The following TECPR1 variants were observed in gnomAD, a reference collection of about 807,000 sequenced individuals.
TECPR1 encodes tectonin beta-propeller repeat-containing protein 1.
In TECPR1, 122 loss-of-function variants were observed where a neutral mutation model predicts 162.4. That is an observed-to-expected ratio of 0.75 (90% CI 0.65 to 0.87). The LOEUF is 0.87. Among genes scored for constraint, TECPR1 ranks in the 40% least tolerant of loss-of-function variants. The pLI is 0.00. For synonymous variants in TECPR1, 642 were observed against 670.6 expected, an observed-to-expected ratio of 0.96 and a Z score of 0.66; for missense variants, 1,432 against 1,618.2, an observed-to-expected ratio of 0.88 and a Z score of 1.97.
At chr7:98,242,308 G>A (rs1035130381) in intron 6 of TECPR1, among the ~76,000 whole-genome samples, 2 of 152,048 alleles carry the variant, frequency 1.3e-5, no homozygotes, top group African/African-American at 2.4e-5. Context: ...CAGGACCCTC[G>A]GGGCCTCTGC....
intron 10 of TECPR1, among the ~76,000 whole-genome samples, chr7:98,235,300 A>C (rs1798564291): frequency 6.6e-6 from 1 of 152,042 alleles, no homozygotes; most frequent in African/African-American, 2.4e-5. Flanking sequence ...CCAAGGCGGG[A>C]GGATCACAAG....
At chr7:98,229,982 C>T (rs1329122148) in intron 15 of TECPR1, among the ~76,000 whole-genome samples, 40 of 151,462 alleles carry the variant, frequency 2.6e-4, no homozygotes, top group African/African-American at 9.5e-4. Flanking sequence ...ACCTCATTCC[C>T]CCTTTGTGGC....
Position 98,246,180 on chromosome 7 carries a change from C to T in TECPR1, c.-19-15G>A, listed in dbSNP as rs554265827. ...CTGGAGGTAACCTGCGGCAGGAGGA[C>T]GAGGGCCAGCGTTCAGGCTCCCAGC... On this transcript the variant is annotated splice_polypyrimidine_tract_variant and intron_variant, in intron 2 of 25. Transcript: ENST00000447648. The T allele has an allele frequency of 9.4e-5, 143 of 1,514,710 alleles. No individual in the cohort carries two copies. The highest frequency in any genetic ancestry group is 1.2e-4 in the Non-Finnish European group (133 of 1,119,710). 93.8% of individuals were successfully genotyped at this position (1,514,710 alleles called of 1,614,324 possible).
At chr7:98,233,395 C>T (rs763222234) in intron 11 of TECPR1, 26 bp downstream of exon 11, 12 of 1,425,574 alleles carry the variant, frequency 8.4e-6, no homozygotes, top group African/African-American at 1.5e-5. Context: ...CATGTGGATG[C>T]CCCCAGGCCC....
Position 98,236,863 on chromosome 7 carries a change from CTGGGG to C in TECPR1, c.1089_1093del (p.Pro364ArgfsTer17). Reference sequence around the variant, plus strand: ...TTTCCAGGTCTTCCCACTGAGCTCGCTGGGGGTGACACCCTGCCGGAAGTACACGG... The same window carrying C: ...TTTCCAGGTCTTCCCACTGAGCTCGCGTGACACCCTGCCGGAAGTACACGG... On this transcript the variant is annotated frameshift_variant, in exon 10 of 26. Transcript: ENST00000447648. LOFTEE classifies it high-confidence loss of function. 1 of 1,582,216 alleles carries C rather than the reference CTGGGG, an allele frequency of 6.3e-7. No individual in the cohort carries two copies. The highest frequency in any genetic ancestry group is 1.2e-5 in the South Asian group (1 of 86,260).
At chr7:98,251,679 G>T (rs1489182459) in intron 1 of TECPR1, 131 bp from the exon 2 acceptor site, 2 of 152,274 alleles carry the variant, frequency 1.3e-5, no homozygotes, top group Non-Finnish European at 2.9e-5. Context: ...CTGTGCACTT[G>T]GGTGACAGGT....
At chr7:98,220,849 C>T (rs1367700573) in intron 23 of TECPR1, among the ~76,000 whole-genome samples, 1 of 151,838 alleles carries the variant, frequency 6.6e-6, no homozygotes, top group Non-Finnish European at 1.5e-5. Context: ...AGCCACCGCG[C>T]TTGGCCTAAT....
chr7:98,230,569 T>C (rs1180020038), intron 15 of TECPR1, among the ~76,000 whole-genome samples: 1 of 152,088 alleles, frequency 6.6e-6, no homozygotes, highest in Non-Finnish European at 1.5e-5. Flanking sequence ...GGGCCGCCCA[T>C]GCAGCAGGGG....
Position 98,231,210 on chromosome 7 carries a change from C to T in TECPR1, c.2124+14G>A. The T allele has an allele frequency of 6.2e-7, 1 of 1,611,036 alleles. No individual in the cohort carries two copies. The highest frequency in any genetic ancestry group is 8.5e-7 in the Non-Finnish European group (1 of 1,179,690). ...ATCCCTCCCCCCGGCCCGAGGGGACCACCGACCACTCACCCAGTCATTCAT... is the reference window on the plus strand; with the variant it reads ...ATCCCTCCCCCCGGCCCGAGGGGACTACCGACCACTCACCCAGTCATTCAT... On this transcript the variant is annotated intron_variant, in intron 14 of 25. Coordinates refer to ENST00000447648, the MANE Select transcript of TECPR1 (RefSeq NM_015395.3).
chr7:98,218,123 G>C (rs933167318), intron 23 of TECPR1, 81 bp from the exon 24 acceptor site: 3 of 1,190,188 alleles, frequency 2.5e-6, no homozygotes, highest in Non-Finnish European at 3.6e-6. Context: ...CCGGTGGCCA[G>C]GCCCCGCTCT....
In TECPR1 at chr7:98,241,240, C is replaced by T. The variant is rs749218403; in HGVS notation, c.662G>A (p.Trp221Ter). The change falls in exon 7 of 26, where the codon TGG becomes TAG. Residue 221 changes from tryptophan to a stop codon, truncating the protein, a stop_gained. Coordinates refer to ENST00000447648, the MANE Select transcript of TECPR1 (RefSeq NM_015395.3). LOFTEE classifies it high-confidence loss of function. This position sits in a 1 kb window ranked among gnomAD's most constrained non-coding sequence, Gnocchi z 5.0. The stretch of plus-strand genomic sequence containing the variant: ...GGAGTGGCTGACGTCCTCTCTGTAC[C>T]ACACCTGGGAGGCAAGACAGGGACA... Reference protein sequence around the residue: ...VWAVSLQGKVWYREDVSHSNP... With the variant: ...VWAVSLQGKV 1 of 1,612,474 alleles carries T rather than the reference C, an allele frequency of 6.2e-7. No individual in the cohort carries two copies. Among genetic ancestry groups the T allele is most frequent in the South Asian group, 1.1e-5 (1 of 91,050 alleles).
rs1250305735 is a variant in TECPR1 at position 98,215,342 on chromosome 7, C to G, written c.*2048G>C. 1 of 152,286 alleles carries G rather than the reference C, an allele frequency of 6.6e-6. No homozygotes were observed. Among genetic ancestry groups the G allele is most frequent in the Non-Finnish European group, 1.5e-5 (1 of 68,042 alleles). The allele number at this position is 152,286 out of a possible 1,614,324, so 9.4% of individuals were successfully genotyped here. Reference sequence around the variant, plus strand: ...CTGTAATTGTGCTGAAAATGTTTCTCAAATGACCCAAATTGGCTCTTATTT... The same window carrying G: ...CTGTAATTGTGCTGAAAATGTTTCTGAAATGACCCAAATTGGCTCTTATTT... On this transcript the variant is annotated 3_prime_UTR_variant, in exon 26 of 26. Transcript: ENST00000447648.
chr7:98,231,559 A>AC (rs1798438549), intron 13 of TECPR1, 186 bp from the exon 14 acceptor site: 1 of 247,138 alleles, frequency 4.0e-6, no homozygotes, highest in African/African-American at 6.0e-5. Flanking sequence ...CCATTTCTGT[A>AC]CCCCCTCCCC....
intron 23 of TECPR1, among the ~76,000 whole-genome samples, chr7:98,219,309 T>C (rs1317436672): frequency 4.6e-5 from 7 of 152,014 alleles, no homozygotes; most frequent in Admixed American, 3.3e-4. Context: ...TAGGAAAAAC[T>C]ATTCAAGGGC....
intron 16 of TECPR1, chr7:98,228,362 A>T: frequency 2.0e-6 from 1 of 497,052 alleles, no homozygotes; most frequent in Non-Finnish European, 3.7e-6. Flanking sequence ...TGTGCATTAA[A>T]TCTCCCATCC....
intron 18 of TECPR1, 31 bp from the exon 19 acceptor site, chr7:98,224,911 C>A: frequency 6.4e-7 from 1 of 1,552,336 alleles, no homozygotes; most frequent in Non-Finnish European, 8.7e-7. Flanking sequence ...AGGATGGGAC[C>A]CCCCGAATCC....
chr7:98,222,060 C>T (rs371378969), intron 22 of TECPR1, among the ~76,000 whole-genome samples: 19 of 152,348 alleles, frequency 1.2e-4, no homozygotes, highest in East Asian at 7.7e-4. Context: ...AGCTGAGTAC[C>T]AGCGTCCCCG....
At position 98,244,618 on chromosome 7, in the gene TECPR1, T is replaced by C. The variant is rs79341351; in HGVS notation, c.484A>G (p.Lys162Glu). The change falls in exon 5 of 26, where the codon AAG (lysine) becomes GAG (glutamate). Residue 162 changes from lysine to glutamate, a missense_variant. Lys to Glu is a moderately conservative substitution (Grantham distance 56). Transcript: ENST00000447648. ...TTGTATCTCCTGTACCGGATCCACT[T>C]CCGGCGCCGCACACAAGAATTCCAC... is the stretch of plus-strand genomic sequence containing the variant. ...KKWNSCVRRR[K>E]WIRYRRYKSR... is the part of the protein sequence containing the mutation. 1 of 1,613,108 alleles carries C rather than the reference T, an allele frequency of 6.2e-7. No homozygotes were observed. Among genetic ancestry groups the C allele is most frequent in the African/African-American group, 1.3e-5 (1 of 75,042 alleles).
chr7:98,217,558 G>A, intron 25 of TECPR1, 55 bp from the exon 26 acceptor site: 1 of 1,544,982 alleles, frequency 6.5e-7, no homozygotes. Context: ...GATCCTGGAG[G>A]GGATCTGCCT....
Sources: gnomAD v4.1 joint callset for allele counts (sites outside exome capture counted in the v4.1 genomes callset) on GRCh38, gnomAD v4.1.1 for gene constraint, Gnocchi (gnomAD v3.1) non-coding constraint, MANE v1.5 for transcripts, NCBI Gene and HGNC (gene_info 2026-07-23, HGNC 2026-07-21) for gene names.